The following PCDHA8 variants were observed in gnomAD, a reference collection of about 807,000 sequenced individuals.
PCDHA8 encodes protocadherin alpha 8.
A neutral mutation model predicts 61.8 loss-of-function variants in PCDHA8; 53 were observed. The observed-to-expected ratio is 0.86, with a 90% confidence interval of 0.69 to 1.08. The LOEUF is 1.08. Ranked by LOEUF, PCDHA8 falls within the 50% of genes least tolerant of loss-of-function variation. The probability of loss-of-function intolerance (pLI) is 0.00; values close to 1 mark genes in which losing one functional copy is unlikely to be tolerated. For missense variants in PCDHA8, 1,293 were observed against 1,245.0 expected, an observed-to-expected ratio of 1.04 and a Z score of -0.58; for synonymous variants, 618 against 556.6, an observed-to-expected ratio of 1.11 and a Z score of -1.55.
At chr5:140,856,187 A>G (rs781874204) in intron 1 of PCDHA8, 4 of 1,598,212 alleles carry the variant, frequency 2.5e-6, no homozygotes, top group African/African-American at 2.7e-5. Flanking sequence ...CGTGGGCCGC[A>G]TCGCGCAGGA....
Position 140,967,117 on chromosome 5 carries a change from C to T in PCDHA8, c.2395-11832C>T, listed in dbSNP as rs370329233. 7.4e-6 allele frequency: 12 copies of T among 1,612,904 alleles called. No individual in the cohort carries two copies. The East Asian group carries it at 1.6e-4, about 21-fold the overall frequency. On this transcript the variant is annotated intron_variant, in intron 1 of 3. Coordinates refer to ENST00000531613, the MANE Select transcript of PCDHA8 (RefSeq NM_018911.3). ...CGCTGTGTGAGCAGCGGCCTCGCTG[C>T]CTGCTCAGCTTGGAAGTGCTGGCGC...
chr5:140,905,427 A>G lies in PCDHA8; in HGVS notation c.2394+61712A>G, dbSNP rs185931856. 5.3e-5 allele frequency among the ~76,000 whole-genome samples: 8 copies of G among 152,298 alleles called. No homozygotes were observed. The East Asian group carries it at 1.5e-3, about 29-fold the overall frequency. ...TTTATACCAGTACCATGCTGGTTTG[A>G]TAACTACAGCCTTTTAGTATAATTT... On this transcript the variant is annotated intron_variant, in intron 1 of 3. Transcript: ENST00000531613.
chr5:140,933,645 G>A lies in PCDHA8; in HGVS notation c.2395-45304G>A, dbSNP rs1014286392. Among the ~76,000 whole-genome samples the A allele has an allele frequency of 3.3e-5, 5 of 151,892 alleles. No individual in the cohort carries two copies. The South Asian group carries it at 8.3e-4, about 25-fold the overall frequency. On this transcript the variant is annotated intron_variant, in intron 1 of 3. Transcript: ENST00000531613. ...TAGGCTGGCCCTGTTAAACAAGTTG[G>A]AAATCCTGTCTCTCTCTCTGTCTCT...
chr5:140,950,711 T>C (rs1173209854), intron 1 of PCDHA8, among the ~76,000 whole-genome samples: 2 of 152,094 alleles, frequency 1.3e-5, no homozygotes, highest in African/African-American at 4.8e-5. Flanking sequence ...TTTTTGTTCC[T>C]TATATCCTTA....
intron 1 of PCDHA8, chr5:140,968,891 A>G (rs782512271): frequency 1.5e-5 from 24 of 1,614,060 alleles, no homozygotes; most frequent in South Asian, 1.1e-4. Context: ...CCTTTATCTA[A>G]TAATAGCATT....
chr5:140,856,176 T>C lies in PCDHA8; in HGVS notation c.2394+12461T>C, dbSNP rs782159422. ...TACGAGGAGGCCAGACACGGCACCT[T>C]CGTGGGCCGCATCGCGCAGGACCTG... On this transcript the variant is annotated intron_variant, in intron 1 of 3. Coordinates refer to ENST00000531613, the MANE Select transcript of PCDHA8 (RefSeq NM_018911.3). 5 of 1,598,130 alleles carry C rather than the reference T, an allele frequency of 3.1e-6. No homozygotes were observed. In the South Asian group the frequency reaches 5.5e-5, roughly 18 times the overall value.
chr5:140,899,619 A>G (rs2067442008), intron 1 of PCDHA8, among the ~76,000 whole-genome samples: 2 of 152,136 alleles, frequency 1.3e-5, no homozygotes, highest in Admixed American at 1.3e-4. Context: ...AATGTTCATC[A>G]AGGATATTGG....
chr5:140,885,936 T>G (rs994325798), intron 1 of PCDHA8, among the ~76,000 whole-genome samples: 5 of 152,198 alleles, frequency 3.3e-5, no homozygotes, highest in Admixed American at 6.5e-5. Context: ...ATCTATTTTT[T>G]GACATTTTTA....
In PCDHA8 at chr5:140,917,330, A is replaced by T. The variant is rs155802; in HGVS notation, c.2395-61619A>T. On this transcript the variant is annotated intron_variant, in intron 1 of 3. Coordinates refer to ENST00000531613, the MANE Select transcript of PCDHA8 (RefSeq NM_018911.3). The stretch of plus-strand genomic sequence containing the variant: ...CAATTTGGTGTTCATGTGGCGGGGG[A>T]GGGGGGGGATGGTGTAGGCTTCTGT... Among the ~76,000 whole-genome samples, 56 of 103,230 alleles carry T rather than the reference A, an allele frequency of 5.4e-4. 2 individuals are homozygous for T. In the South Asian group the frequency reaches 0.01, roughly 19 times the overall value. The allele number at this position is 103,230 out of a possible 152,430, so 67.7% of individuals were successfully genotyped here.
Position 140,843,316 on chromosome 5 carries a change from T to G in PCDHA8, c.1995T>G (p.Val665=), listed in dbSNP as rs1778793829. ...CTGCGCTGACCGCCACGGCCACGGT[T>G]CTGGTGTCGCTGGTGGAGAGCGGCC... The part of the protein sequence containing the change: ...GEPALTATAT[V]LVSLVESGQA... Residue 665 remains valine (V), a synonymous_variant, in exon 1 of 4, where the codon GTT becomes GTG. Transcript: ENST00000531613. 1.9e-6 allele frequency: 3 copies of G among 1,595,872 alleles called. No individual in the cohort carries two copies. The highest frequency in any genetic ancestry group is 1.1e-5 in the South Asian group (1 of 90,512).
Position 140,841,970 on chromosome 5 carries a change from G to C in PCDHA8, c.649G>C (p.Gly217Arg). ...AHHLFLTATDGGKPELTGTVQ... is the reference protein window; with the variant it reads ...AHHLFLTATDRGKPELTGTVQ... The stretch of plus-strand genomic sequence containing the variant: ...CCACTTATTCCTGACAGCCACAGAT[G>C]GGGGCAAACCTGAGCTCACAGGCAC... Residue 217 changes from glycine to arginine, a missense_variant, in exon 1 of 4, where the codon GGG becomes CGG. By Grantham distance (125) the Gly-to-Arg change is moderately radical (BLOSUM62 -2). Transcript: ENST00000531613. 3.7e-6 allele frequency: 6 copies of C among 1,613,902 alleles called. No individual in the cohort carries two copies. Among genetic ancestry groups the C allele is most frequent in the Non-Finnish European group, 5.1e-6 (6 of 1,179,848 alleles).
intron 1 of PCDHA8, chr5:140,968,517 C>T: frequency 6.2e-7 from 1 of 1,614,206 alleles, no homozygotes; most frequent in Non-Finnish European, 8.5e-7. Flanking sequence ...TACCCTACCT[C>T]AACCAACTCG....
chr5:140,920,511 A>G (rs564811520), intron 1 of PCDHA8, among the ~76,000 whole-genome samples: 1 of 152,284 alleles, frequency 6.6e-6, no homozygotes, highest in East Asian at 1.9e-4. Flanking sequence ...ATACTGTTTT[A>G]TGCAATTCGT....
chr5:140,929,308 G>A, intron 1 of PCDHA8: 3 of 1,569,682 alleles, frequency 1.9e-6, no homozygotes, highest in East Asian at 2.3e-5. Context: ...AGGGGATCAC[G>A]CTAATGTCAA....
At chr5:140,914,710 G>GT (rs1554196543) in intron 1 of PCDHA8, among the ~76,000 whole-genome samples, 1 of 151,256 alleles carries the variant, frequency 6.6e-6, no homozygotes, top group Non-Finnish European at 1.5e-5. Context: ...TTAATTTCTT[G>GT]TTTTTTATTT....
chr5:140,869,730 T>G (rs1319130298), intron 1 of PCDHA8: 24 of 1,613,274 alleles, frequency 1.5e-5, no homozygotes, highest in Non-Finnish European at 2.0e-5. Context: ...CGGAACTTAA[T>G]TTGCTGCTAA....
intron 1 of PCDHA8, chr5:140,864,423 CACAA>C (rs1165677153): frequency 1.8e-4 from 27 of 152,176 alleles, no homozygotes; most frequent in Non-Finnish European, 3.4e-4. Flanking sequence ...CAGCTTCGTC[CACAA>C]ACAATTTTGT....
chr5:140,900,252 AG>A (rs2067859572), intron 1 of PCDHA8, among the ~76,000 whole-genome samples: 1 of 152,096 alleles, frequency 6.6e-6, no homozygotes, highest in South Asian at 2.1e-4. Flanking sequence ...ATGGCTGAAT[AG>A]TACTCCATTG....
At chr5:140,915,266 C>T (rs1554196835) in intron 1 of PCDHA8, among the ~76,000 whole-genome samples, 1 of 151,940 alleles carries the variant, frequency 6.6e-6, no homozygotes, top group Non-Finnish European at 1.5e-5. Context: ...TTATTTTTGA[C>T]CAGTTCATCA....
Sources: gnomAD v4.1 joint callset for allele counts (sites outside exome capture counted in the v4.1 genomes callset) on GRCh38, gnomAD v4.1.1 for gene constraint, MANE v1.5 for transcripts, NCBI Gene and HGNC (gene_info 2026-07-23, HGNC 2026-07-21) for gene names.